Variants in SCRN1 observed in about 807,000 individuals in gnomAD.
The protein encoded by SCRN1 is secernin 1, also known as secernin-1.
Under a neutral mutation model 43.3 loss-of-function variants are expected in SCRN1, and 19 were observed. The observed-to-expected ratio is 0.44, with a 90% CI of 0.31 to 0.64. SCRN1 has a LOEUF of 0.64. Among genes scored for constraint, SCRN1 ranks in the 30% least tolerant of loss-of-function variants. The pLI is 0.09. For missense variants in SCRN1, 447 were observed against 524.1 expected (o/e 0.85, Z 1.44); for synonymous variants, 183 against 188.9 (o/e 0.97, Z 0.26).
At chr7:29,978,412 C>T (rs1001516440) in intron 1 of SCRN1, among the ~76,000 whole-genome samples, 2 of 152,158 alleles carry the variant, frequency 1.3e-5, no homozygotes, top group African/African-American at 4.8e-5. Flanking sequence ...TTCCTATTGT[C>T]CCCTCCACTC....
chr7:29,967,296 T>A (rs1357153262), intron 2 of SCRN1, among the ~76,000 whole-genome samples: 2 of 152,194 alleles, frequency 1.3e-5, no homozygotes, highest in African/African-American at 2.4e-5. Context: ...AATAAGTGAT[T>A]ATCTCCATAA....
At chr7:29,957,714 T>C (rs1562814686) in intron 2 of SCRN1, among the ~76,000 whole-genome samples, 1 of 152,140 alleles carries the variant, frequency 6.6e-6, no homozygotes, top group Non-Finnish European at 1.5e-5. Context: ...CACATCCGCA[T>C]GGTCCGCTAG....
intron 6 of SCRN1, among the ~76,000 whole-genome samples, chr7:29,927,287 C>T (rs1048776647): frequency 4.5e-4 from 69 of 152,134 alleles, no homozygotes; most frequent in African/African-American, 1.3e-3. Context: ...ATGTTATCTT[C>T]GGGAAAATGG....
chr7:29,966,780 C>T (rs1274726694), intron 2 of SCRN1, among the ~76,000 whole-genome samples: 1 of 152,162 alleles, frequency 6.6e-6, no homozygotes, highest in East Asian at 1.9e-4. Context: ...TGCCACCAGA[C>T]CATCCAGACA....
At chr7:29,958,229 A>G (rs1274562881) in intron 2 of SCRN1, among the ~76,000 whole-genome samples, 2 of 152,232 alleles carry the variant, frequency 1.3e-5, no homozygotes, top group Non-Finnish European at 2.9e-5. Flanking sequence ...CACCTGCTCC[A>G]TTATGTTTTA....
chr7:29,954,632 G>C (rs1294367483), intron 3 of SCRN1, among the ~76,000 whole-genome samples: 1 of 152,120 alleles, frequency 6.6e-6, no homozygotes, highest in Non-Finnish European at 1.5e-5. Flanking sequence ...TTCTCTCTCA[G>C]TATAATGTTT....
intron 3 of SCRN1, among the ~76,000 whole-genome samples, chr7:29,954,841 C>G (rs563639879): frequency 6.6e-6 from 1 of 152,074 alleles, no homozygotes; most frequent in Admixed American, 6.5e-5. Flanking sequence ...GCACCACGTT[C>G]GGCTAATTTT....
intron 1 of SCRN1, 174 bp from the exon 2 acceptor site, chr7:29,969,242 CA>C: frequency 3.1e-6 from 2 of 635,980 alleles, no homozygotes; most frequent in South Asian, 2.3e-5. Flanking sequence ...AGTGGAATGA[CA>C]GAGCCACCGA....
At chr7:29,947,827 T>C (rs1483222507) in intron 3 of SCRN1, among the ~76,000 whole-genome samples, 1 of 152,164 alleles carries the variant, frequency 6.6e-6, no homozygotes, top group African/African-American at 2.4e-5. Flanking sequence ...ATTAGTGCCC[T>C]TAAAAGAAGA....
intron 1 of SCRN1, among the ~76,000 whole-genome samples, chr7:29,976,571 T>C (rs775606834): frequency 4.6e-5 from 7 of 152,204 alleles, no homozygotes; most frequent in Non-Finnish European, 7.3e-5. Context: ...GTAAATTTTA[T>C]GCTATGTGCG....
chr7:29,940,851 C>T lies in SCRN1; in HGVS notation c.570G>A (p.Gln190=), dbSNP rs765287650. Reference sequence around the variant, plus strand: ...CATCCATCTTAGTGGTGAGCGAAAGCTGACTGCAAATGCACCTCACTCCCT... The same window carrying T: ...CATCCATCTTAGTGGTGAGCGAAAGTTGACTGCAAATGCACCTCACTCCCT... ...VTEGVRCICS[Q]LSLTTKMDAE... The change falls in exon 5 of 8, where the codon CAG becomes CAA. Residue 190 remains glutamine, a synonymous_variant. Transcript: ENST00000242059. The T allele has an allele frequency of 1.3e-6, 2 of 1,557,336 alleles. No individual in the cohort carries two copies. Among genetic ancestry groups the T allele is most frequent in the Non-Finnish European group, 1.7e-6 (2 of 1,158,794 alleles).
At chr7:29,925,837 C>T (rs1355168262) in intron 7 of SCRN1, among the ~76,000 whole-genome samples, 6 of 136,798 alleles carry the variant, frequency 4.4e-5, no homozygotes, top group Non-Finnish European at 7.6e-5. Flanking sequence ...GGTGAAACCC[C>T]GTCTCTACTA....
Position 29,942,748 on chromosome 7 carries a change from G to A in SCRN1, c.544+1229C>T, listed in dbSNP as rs147217351. Among the ~76,000 whole-genome samples, 18 of 152,114 alleles carry A rather than the reference G, an allele frequency of 1.2e-4. No individual in the cohort carries two copies. The East Asian group carries it at 1.9e-3, about 16-fold the overall frequency. On this transcript the variant is annotated intron_variant, in intron 4 of 7. Transcript: ENST00000242059. ...GGAGAAACTCTCCGTGATTGCTGAC[G>A]GACACCACTAGCCCATTCTACACCC...
chr7:29,929,215 C>T (rs774619348), intron 6 of SCRN1, among the ~76,000 whole-genome samples: 2 of 152,222 alleles, frequency 1.3e-5, no homozygotes, highest in African/African-American at 2.4e-5. Flanking sequence ...AGAGTCAGCT[C>T]GGTTCACATC....
chr7:29,984,024 G>A (rs1789072245), intron 1 of SCRN1, among the ~76,000 whole-genome samples: 1 of 152,116 alleles, frequency 6.6e-6, no homozygotes, highest in Non-Finnish European at 1.5e-5. Flanking sequence ...TGGCCAGCAT[G>A]GCATTACCTT....
Position 29,924,118 on chromosome 7 carries a change from G to A in SCRN1, c.1087-3C>T, listed in dbSNP as rs78129573. On this transcript the variant is annotated splice_region_variant and splice_polypyrimidine_tract_variant and intron_variant, in intron 7 of 7. Transcript: ENST00000242059. Reference sequence around the variant, plus strand: ...CTCCTCAGCTTGCGACCTTGCTCCTGAGGAAGGACACGACTGCTTTAGGTG... The same window carrying A: ...CTCCTCAGCTTGCGACCTTGCTCCTAAGGAAGGACACGACTGCTTTAGGTG... 8,677 of 1,609,802 alleles carry A rather than the reference G, an allele frequency of 5.4e-3. 390 individuals carry two copies. The African/African-American group carries it at 0.1, about 19-fold the overall frequency.
intron 1 of SCRN1, among the ~76,000 whole-genome samples, chr7:29,989,440 G>A (rs1467417850): frequency 6.6e-6 from 1 of 152,180 alleles, no homozygotes; most frequent in Non-Finnish European, 1.5e-5. Flanking sequence ...CCCGGCTTCA[G>A]GCCGAGGCCA....
At position 29,936,660 on chromosome 7, in the gene SCRN1, T is replaced by C. The variant is rs749879455; in HGVS notation, c.801A>G (p.Ile267Met). Residue 267 changes from isoleucine to methionine, a missense_variant, in exon 6 of 8, where the codon ATA becomes ATG. By Grantham distance (10) the Ile-to-Met change is conservative. Transcript: ENST00000242059. ...TLRDKASGVC[I>M]DSEFFLTTAS... is the part of the protein sequence containing the mutation. ...CTGTGGTGAGGAAAAACTCAGAGTC[T>C]ATGCACACTCCGCTGGCTTTGTCCC... 6.2e-7 allele frequency: 1 copy of C among 1,602,492 alleles called. No homozygotes were observed. Among genetic ancestry groups the C allele is most frequent in the Admixed American group, 1.7e-5 (1 of 59,782 alleles).
At chr7:29,932,170 T>TG (rs1787176682) in intron 6 of SCRN1, among the ~76,000 whole-genome samples, 1 of 152,036 alleles carries the variant, frequency 6.6e-6, no homozygotes, top group Non-Finnish European at 1.5e-5. Flanking sequence ...CAGCTGGTGT[T>TG]GGAAGAATTC....
Sources: gnomAD v4.1 joint callset for allele counts (sites outside exome capture counted in the v4.1 genomes callset) on GRCh38, gnomAD v4.1.1 for gene constraint, MANE v1.5 for transcripts, NCBI Gene and HGNC (gene_info 2026-07-23, HGNC 2026-07-21) for gene names.